The following PKD1L1 variants were observed in gnomAD, a reference collection of about 807,000 sequenced individuals.
The protein encoded by PKD1L1 is polycystin 1 like 1, transient receptor potential channel interacting, also known as polycystin-1-like protein 1.
PKD1L1 carries 236 observed loss-of-function variants against 323.4 expected under a neutral mutation model. That is an observed-to-expected ratio of 0.73 (90% CI 0.66 to 0.81). The LOEUF is 0.81. PKD1L1 is among the 40% of genes least tolerant of loss of function. The pLI, the probability that PKD1L1 is intolerant of heterozygous loss-of-function variation, is 0.00. For synonymous variants in PKD1L1, 1,344 were observed against 1,335.0 expected (o/e 1.01, Z -0.15); for missense variants, 3,320 against 3,508.0 (o/e 0.95, Z 1.35).
intron 26 of PKD1L1, among the ~76,000 whole-genome samples, chr7:47,861,116 C>T (rs1234494100): frequency 6.6e-6 from 1 of 152,228 alleles, no homozygotes. Context: ...ACCCACTGAA[C>T]ACCTGCTACG....
Position 47,876,097 on chromosome 7 carries a change from C to T in PKD1L1, c.3784G>A (p.Val1262Ile), listed in dbSNP as rs773307734. The change falls in exon 23 of 57, where the codon GTC (valine) becomes ATC (isoleucine). Residue 1262 changes from valine (V) to isoleucine (I), a missense_variant and splice_region_variant. By Grantham distance (29) the Val-to-Ile change is conservative. Transcript: ENST00000289672. ...GACTCCAACTGGCACCATAGCTTAC[C>T]TTTGTAATTGTCCAAGTGCTCACCA... ...PAGEHLDNYK[V>I]MVSTEITDGK... 10 of 1,613,848 alleles carry T rather than the reference C, an allele frequency of 6.2e-6. No homozygotes were observed. The East Asian group carries it at 1.1e-4, about 18-fold the overall frequency.
At chr7:47,800,200 C>T (rs114422539) in intron 54 of PKD1L1, among the ~76,000 whole-genome samples, 1,971 of 152,234 alleles carry the variant, frequency 0.013, 40 homozygotes, top group African/African-American at 0.045. Flanking sequence ...AGTAGGAGGG[C>T]GTGAAACAGG....
chr7:47,834,914 T>G, intron 39 of PKD1L1, 53 bp downstream of exon 39: 1 of 1,492,438 alleles, frequency 6.7e-7, no homozygotes, highest in Non-Finnish European at 9.3e-7. Flanking sequence ...AGTAGATTGG[T>G]GCAAAAGGCT....
At chr7:47,873,388 C>T (rs948579997) in intron 24 of PKD1L1, among the ~76,000 whole-genome samples, 2 of 152,104 alleles carry the variant, frequency 1.3e-5, no homozygotes, top group African/African-American at 2.4e-5. Flanking sequence ...GTGGCTCACA[C>T]CTGTAATCCC....
At chr7:47,917,379 A>T (rs1291750159) in intron 7 of PKD1L1, among the ~76,000 whole-genome samples, 1 of 151,702 alleles carries the variant, frequency 6.6e-6, no homozygotes, top group Non-Finnish European at 1.5e-5. Flanking sequence ...GAAGAAGAGA[A>T]ATCTAAAAGT....
chr7:47,788,116 T>G (rs1399090516), intron 56 of PKD1L1, among the ~76,000 whole-genome samples: 3 of 152,060 alleles, frequency 2.0e-5, no homozygotes, highest in African/African-American at 2.4e-5. Flanking sequence ...TTGAGCTATA[T>G]TCCTATTTTT....
chr7:47,864,576 T>TTTCTTTCTTTCTTTC (rs967936305), intron 26 of PKD1L1, among the ~76,000 whole-genome samples: 2 of 107,626 alleles, frequency 1.9e-5, no homozygotes, highest in South Asian at 3.6e-4. Context: ...TTTTTCTTTC[T>TTTCTTTCTTTCTTTC]TTTCTTTCTT....
At chr7:47,796,873 A>G (rs1398905196) in intron 54 of PKD1L1, among the ~76,000 whole-genome samples, 1 of 148,586 alleles carries the variant, frequency 6.7e-6, no homozygotes, top group African/African-American at 2.5e-5. Context: ...GGTGGTGGGC[A>G]CCTGTAGTCC....
chr7:47,879,948 TA>T (rs59804569), intron 21 of PKD1L1, among the ~76,000 whole-genome samples: 13 of 109,424 alleles, frequency 1.2e-4, no homozygotes, highest in East Asian at 2.1e-4. Context: ...AAATAAAAAA[TA>T]AAAAAAAAAA....
At chr7:47,793,409 T>C (rs961351543) in intron 55 of PKD1L1, among the ~76,000 whole-genome samples, 2 of 152,134 alleles carry the variant, frequency 1.3e-5, no homozygotes, top group Admixed American at 6.5e-5. Flanking sequence ...GTGCTATTCT[T>C]GTGATAGTGA....
chr7:47,793,137 A>G (rs1373040256), intron 55 of PKD1L1, among the ~76,000 whole-genome samples: 1 of 152,064 alleles, frequency 6.6e-6, no homozygotes, highest in Non-Finnish European at 1.5e-5. Flanking sequence ...CGATTAATAA[A>G]TCTTTATTGA....
At chr7:47,812,973 T>G (rs1784932641) in intron 49 of PKD1L1, 148 bp downstream of exon 49, 1 of 890,030 alleles carries the variant, frequency 1.1e-6, no homozygotes, top group Non-Finnish European at 1.7e-6. Context: ...CAATGACAAG[T>G]CTGGCTGGAG....
At position 47,940,075 on chromosome 7, in the gene PKD1L1, CAT is replaced by C. The variant is rs879157443; in HGVS notation, c.285+116_285+117del. The C allele has an allele frequency of 7.7e-5, 104 of 1,356,062 alleles. No individual in the cohort carries two copies. The African/African-American group carries it at 1.1e-3, about 15-fold the overall frequency. The allele number at this position is 1,356,062 out of a possible 1,614,324, so 84.0% of individuals were successfully genotyped here. ...CACTTGCTTCATTGGCACAAACACA[CAT>C]GATAGGAAAACAATCCCTGATGAAT... On this transcript the variant is annotated intron_variant, in intron 3 of 56. Transcript: ENST00000289672.
In PKD1L1 at chr7:47,902,278, C is replaced by T. The variant is rs148891069; in HGVS notation, c.2064+101G>A. On this transcript the variant is annotated intron_variant, in intron 13 of 56. Transcript: ENST00000289672. ...TGCAGTAGGATAAACTGGACAAAGCCTCGCTTCATGCCCCAAACTCTCACC... is the reference window on the plus strand; with the variant it reads ...TGCAGTAGGATAAACTGGACAAAGCTTCGCTTCATGCCCCAAACTCTCACC... The T allele has an allele frequency of 1.8e-4, 260 of 1,461,728 alleles. 1 individual carries two copies. The highest frequency in any genetic ancestry group is 2.5e-4 in the Middle Eastern group (1 of 4,012). 90.5% of individuals were successfully genotyped at this position (1,461,728 alleles called of 1,614,324 possible). A position where few individuals can be genotyped will look rare whatever the true frequency, so the allele number is the denominator to read the frequency against.
Position 47,826,527 on chromosome 7 carries a change from T to C in PKD1L1, c.6854+823A>G, listed in dbSNP as rs138245720. On this transcript the variant is annotated intron_variant, in intron 45 of 56. Transcript: ENST00000289672. ...CCACACTGTATGAAGGGATTGTTTT[T>C]TAAGGAAGATGGTTGGAAGTGCTTC... is the stretch of plus-strand genomic sequence containing the variant. Among the ~76,000 whole-genome samples the C allele has an allele frequency of 1.6e-3, 247 of 152,324 alleles. 3 individuals carry two copies. Among genetic ancestry groups the C allele is most frequent in the African/African-American group, 5.8e-3 (242 of 41,580 alleles).
At chr7:47,883,600 T>C (rs1210281899) in intron 19 of PKD1L1, among the ~76,000 whole-genome samples, 1 of 152,126 alleles carries the variant, frequency 6.6e-6, no homozygotes, top group Non-Finnish European at 1.5e-5. Context: ...TTTCTTTGTT[T>C]TTCTCTCCTC....
chr7:47,835,324 C>G, intron 37 of PKD1L1, 81 bp from the exon 38 acceptor site: 2 of 820,720 alleles, frequency 2.4e-6, no homozygotes, highest in Non-Finnish European at 3.9e-6. Flanking sequence ...ATTACAAATA[C>G]ATGTAATGTG....
chr7:47,816,906 A>G (rs1562944177), intron 46 of PKD1L1, among the ~76,000 whole-genome samples: 1 of 152,076 alleles, frequency 6.6e-6, no homozygotes, highest in Admixed American at 6.6e-5. Context: ...ACTCCTCCCA[A>G]CTCCATGTTC....
chr7:47,778,557 A>G (rs1343145179), intron 56 of PKD1L1, among the ~76,000 whole-genome samples: 1 of 152,188 alleles, frequency 6.6e-6, no homozygotes, highest in Non-Finnish European at 1.5e-5. Context: ...CTTACAAACA[A>G]TAATGCACCT....
Sources: gnomAD v4.1 joint callset for allele counts (sites outside exome capture counted in the v4.1 genomes callset) on GRCh38, gnomAD v4.1.1 for gene constraint, MANE v1.5 for transcripts, NCBI Gene and HGNC (gene_info 2026-07-23, HGNC 2026-07-21) for gene names.